Variants in CNKSR3 observed in about 807,000 individuals in gnomAD.
The protein encoded by CNKSR3 is CNKSR family member 3, also known as connector enhancer of kinase suppressor of ras 3.
In CNKSR3, 36 loss-of-function variants were observed where a neutral mutation model predicts 67.7. The observed-to-expected ratio is 0.53, with a 90% CI of 0.41 to 0.70. CNKSR3 has a LOEUF of 0.70. Ranked by LOEUF, CNKSR3 falls within the 30% of genes least tolerant of loss-of-function variation. The pLI, the probability that CNKSR3 is intolerant of heterozygous loss-of-function variation, is 0.00. For synonymous variants in CNKSR3, 281 were observed against 271.4 expected (o/e 1.04, Z -0.35); for missense variants, 630 against 695.2 (o/e 0.91, Z 1.05).
chr6:154,453,842 C>T (rs781050695), intron 1 of CNKSR3, among the ~76,000 whole-genome samples: 14 of 152,076 alleles, frequency 9.2e-5, no homozygotes, highest in Non-Finnish European at 1.6e-4. Flanking sequence ...GATCTATCTG[C>T]CAGTTTCTTG....
chr6:154,449,754 C>T (rs78064405), intron 2 of CNKSR3, among the ~76,000 whole-genome samples: 3,435 of 152,222 alleles, frequency 0.023, 120 homozygotes, highest in African/African-American at 0.079. Flanking sequence ...ATATTTTAGG[C>T]TTTGGGGGAA....
At chr6:154,429,170 A>T (rs1447625596) in intron 6 of CNKSR3, among the ~76,000 whole-genome samples, 2 of 152,122 alleles carry the variant, frequency 1.3e-5, no homozygotes, top group African/African-American at 4.8e-5. Context: ...CTGTTACAAG[A>T]TGGGGAAAGA....
chr6:154,496,995 A>C (rs1786892076), intron 1 of CNKSR3, among the ~76,000 whole-genome samples: 1 of 152,136 alleles, frequency 6.6e-6, no homozygotes, highest in South Asian at 2.1e-4. Flanking sequence ...TAAGATGAAG[A>C]TGATAAAAGC....
chr6:154,417,349 G>A (rs1785044756), intron 9 of CNKSR3, among the ~76,000 whole-genome samples: 1 of 152,236 alleles, frequency 6.6e-6, no homozygotes, highest in African/African-American at 2.4e-5. Context: ...CTGAACTGAA[G>A]TGGTTCAACT....
chr6:154,442,045 T>C lies in CNKSR3; in HGVS notation c.419+43A>G, dbSNP rs771936619. 5.9e-6 allele frequency: 9 copies of C among 1,522,958 alleles called. No individual in the cohort carries two copies. The African/African-American group carries it at 6.9e-5, about 12-fold the overall frequency. The allele number at this position is 1,522,958 out of a possible 1,614,324, so 94.3% of individuals were successfully genotyped here. On this transcript the variant is annotated intron_variant, in intron 3 of 12. Transcript: ENST00000607772. ...TACAGCTTCCATGCAGCTTGGACTC[T>C]ATCTACTCTTGCAGGGCAGTAAAAG...
chr6:154,469,527 A>C (rs1158682009), intron 1 of CNKSR3, among the ~76,000 whole-genome samples: 1 of 152,160 alleles, frequency 6.6e-6, no homozygotes, highest in African/African-American at 2.4e-5. Flanking sequence ...ATCCTATTAA[A>C]CAGTGGGACG....
intron 9 of CNKSR3, among the ~76,000 whole-genome samples, chr6:154,418,871 G>A (rs900368380): frequency 2.0e-5 from 3 of 151,166 alleles, no homozygotes; most frequent in Non-Finnish European, 2.9e-5. Context: ...ACAAGGCAGA[G>A]TCAACCTAAA....
At chr6:154,411,761 C>T (rs1449400196) in intron 10 of CNKSR3, among the ~76,000 whole-genome samples, 1 of 151,652 alleles carries the variant, frequency 6.6e-6, no homozygotes, top group Non-Finnish European at 1.5e-5. Context: ...CTATTTACTA[C>T]AGCAATCACA....
At chr6:154,425,619 G>C (rs1785239468) in intron 7 of CNKSR3, among the ~76,000 whole-genome samples, 1 of 152,326 alleles carries the variant, frequency 6.6e-6, no homozygotes, top group East Asian at 1.9e-4. Flanking sequence ...GCTGTGTCAA[G>C]ACTCTTGTCA....
chr6:154,407,944 A>G (rs1364534962), intron 12 of CNKSR3, among the ~76,000 whole-genome samples: 1 of 150,934 alleles, frequency 6.6e-6, no homozygotes, highest in Non-Finnish European at 1.5e-5. Context: ...CTAGAGCCAT[A>G]AGATGGCATT....
In CNKSR3 at chr6:154,405,212, C is replaced by G. The variant is rs571228166; in HGVS notation, c.*1142G>C. ...CCCTGCTGGCAACAGCCACGATAGT[C>G]ACTTGCTCATCTGAAAATGCCTTGC... On this transcript the variant is annotated 3_prime_UTR_variant, in exon 13 of 13. Transcript: ENST00000607772. The G allele has an allele frequency of 1.3e-5, 2 of 152,758 alleles. No homozygotes were observed. Among genetic ancestry groups the G allele is most frequent in the African/African-American group, 4.8e-5 (2 of 41,570 alleles). 9.5% of individuals were successfully genotyped at this position (152,758 alleles called of 1,614,324 possible). A position where few individuals can be genotyped will look rare whatever the true frequency, so the allele number is the denominator to read the frequency against.
At chr6:154,467,114 A>G (rs1318055764) in intron 1 of CNKSR3, among the ~76,000 whole-genome samples, 2 of 152,140 alleles carry the variant, frequency 1.3e-5, no homozygotes, top group Non-Finnish European at 2.9e-5. Context: ...AGCCATTCCC[A>G]AGAGCAGTCT....
rs1785796885 is a variant in CNKSR3, at chr6:154,450,191, C to T, written c.120G>A (p.Leu40=). Residue 40 remains leucine, a synonymous_variant, in exon 2 of 13, where the codon CTG becomes CTA. Transcript: ENST00000607772. ...FEREKINGEQ[L]LQISHQDLEE... is the part of the protein sequence containing the mutation. ...CCAGGTCCTGATGGGAAATCTGCAG[C>T]AGCTGCTCGCCGTTGATCTTCTCTC... The T allele has an allele frequency of 1.9e-6, 3 of 1,614,202 alleles. No homozygotes were observed. Among genetic ancestry groups the T allele is most frequent in the African/African-American group, 2.7e-5 (2 of 75,050 alleles).
chr6:154,474,742 C>G (rs1292622193), intron 1 of CNKSR3, among the ~76,000 whole-genome samples: 1 of 152,130 alleles, frequency 6.6e-6, no homozygotes, highest in Non-Finnish European at 1.5e-5. Context: ...TACGACATCA[C>G]ATGAAAGGCA....
intron 9 of CNKSR3, among the ~76,000 whole-genome samples, chr6:154,417,915 A>G (rs1288274006): frequency 6.6e-6 from 1 of 152,148 alleles, no homozygotes; most frequent in African/African-American, 2.4e-5. Context: ...TCACCTGTGG[A>G]AGAAAGCCCA....
intron 10 of CNKSR3, among the ~76,000 whole-genome samples, chr6:154,411,736 G>A (rs1340486434): frequency 6.6e-6 from 1 of 151,144 alleles, no homozygotes; most frequent in African/African-American, 2.4e-5. Flanking sequence ...GTGCTTCTGT[G>A]TGTAGCTGAA....
intron 1 of CNKSR3, among the ~76,000 whole-genome samples, chr6:154,505,665 T>C (rs1787086308): frequency 6.7e-6 from 1 of 149,712 alleles, no homozygotes; most frequent in Non-Finnish European, 1.5e-5. Flanking sequence ...ACCCGGCTAA[T>C]TTTTTTTGTA....
At chr6:154,416,485 T>G (rs1785027145) in intron 9 of CNKSR3, among the ~76,000 whole-genome samples, 1 of 152,200 alleles carries the variant, frequency 6.6e-6, no homozygotes, top group African/African-American at 2.4e-5. Flanking sequence ...ATTCTCCAAA[T>G]CTTAGAAGCA....
intron 1 of CNKSR3, among the ~76,000 whole-genome samples, chr6:154,458,571 A>C (rs1016103314): frequency 3.3e-5 from 5 of 151,980 alleles, no homozygotes; most frequent in Non-Finnish European, 4.4e-5. Context: ...TATCACCCCC[A>C]AAAAAAGTTC....
Sources: gnomAD v4.1 joint callset for allele counts (sites outside exome capture counted in the v4.1 genomes callset) on GRCh38, gnomAD v4.1.1 for gene constraint, MANE v1.5 for transcripts, NCBI Gene and HGNC (gene_info 2026-07-23, HGNC 2026-07-21) for gene names.